The following HHAT variants were observed in gnomAD, a reference collection of about 807,000 sequenced individuals.
HHAT encodes hedgehog acyltransferase.
Under a neutral mutation model 70.8 loss-of-function variants are expected in HHAT, and 47 were observed. That is an observed-to-expected ratio of 0.66 (90% CI 0.53 to 0.85). The LOEUF (loss-of-function observed/expected upper bound fraction) is 0.85. Ranked by LOEUF, HHAT falls within the 40% of genes least tolerant of loss-of-function variation. The pLI is 0.00. For missense variants in HHAT, 609 were observed against 604.8 expected, an observed-to-expected ratio of 1.01 and a Z score of -0.07; for synonymous variants, 228 against 247.6, an observed-to-expected ratio of 0.92 and a Z score of 0.74.
chr1:210,385,674 T>G (rs1465835137), intron 3 of HHAT, among the ~76,000 whole-genome samples: 3 of 152,208 alleles, frequency 2.0e-5, no homozygotes, highest in African/African-American at 4.8e-5. Flanking sequence ...TGTATTTCCT[T>G]ATTTGAAGAA....
At chr1:210,401,199 C>T (rs2092053938) in intron 5 of HHAT, among the ~76,000 whole-genome samples, 1 of 152,196 alleles carries the variant, frequency 6.6e-6, no homozygotes, top group Non-Finnish European at 1.5e-5. Context: ...ACTGCAACCT[C>T]CGCCTCCTGG....
intron 5 of HHAT, among the ~76,000 whole-genome samples, chr1:210,401,669 AT>A (rs548191150): frequency 2.6e-5 from 4 of 151,866 alleles, no homozygotes; most frequent in African/African-American, 9.7e-5. Flanking sequence ...TTTTAGCTTT[AT>A]TTTTTTTCTC....
intron 9 of HHAT, among the ~76,000 whole-genome samples, chr1:210,535,780 T>G (rs2095365888): frequency 6.6e-6 from 1 of 152,114 alleles, no homozygotes; most frequent in African/African-American, 2.4e-5. Flanking sequence ...ACTCTGTGAA[T>G]AGCACATCAA....
chr1:210,368,929 T>A (rs1279011900), intron 3 of HHAT, among the ~76,000 whole-genome samples: 2 of 151,968 alleles, frequency 1.3e-5, no homozygotes, highest in African/African-American at 4.8e-5. Context: ...AATACAAAAA[T>A]TAGCTGGATG....
intron 11 of HHAT, among the ~76,000 whole-genome samples, chr1:210,649,759 T>A (rs1368282917): frequency 6.6e-6 from 1 of 152,188 alleles, no homozygotes; most frequent in African/African-American, 2.4e-5. Context: ...CAGGTCAGCA[T>A]GACAGAAATC....
Position 210,479,705 on chromosome 1 carries a change from C to A in HHAT, c.1007+15050C>A, listed in dbSNP as rs893959811. ...ATGTAAATATTGTGGTCAGTGGATACCTTGAAAACTAAATGAAATTACACT... is the reference window on the plus strand; with the variant it reads ...ATGTAAATATTGTGGTCAGTGGATAACTTGAAAACTAAATGAAATTACACT... On this transcript the variant is annotated intron_variant, in intron 8 of 11. Coordinates refer to ENST00000261458, the MANE Select transcript of HHAT (RefSeq NM_018194.6). 2.0e-5 allele frequency among the ~76,000 whole-genome samples: 3 copies of A among 152,074 alleles called. No homozygotes were observed. The East Asian group carries it at 5.8e-4, about 29-fold the overall frequency.
chr1:210,443,298 T>C (rs1162585043), intron 7 of HHAT, among the ~76,000 whole-genome samples: 2 of 151,896 alleles, frequency 1.3e-5, no homozygotes, highest in Non-Finnish European at 2.9e-5. Context: ...AGCTTTGTTC[T>C]TTTGGCTTAG....
At chr1:210,532,588 GCAACTGAGCAA>G (rs752457902) in intron 9 of HHAT, among the ~76,000 whole-genome samples, 16 of 152,132 alleles carry the variant, frequency 1.1e-4, no homozygotes, top group Non-Finnish European at 2.1e-4. Flanking sequence ...ATTCCTATAA[GCAACTGAGCAA>G]TCCAAGAACC....
chr1:210,424,025 C>A (rs751565881), intron 7 of HHAT, among the ~76,000 whole-genome samples: 3 of 152,146 alleles, frequency 2.0e-5, no homozygotes, highest in Non-Finnish European at 4.4e-5. Context: ...TGGTCAGGAT[C>A]TTTTGTGGTT....
At chr1:210,665,808 A>C (rs1304886381) in intron 11 of HHAT, among the ~76,000 whole-genome samples, 1 of 152,214 alleles carries the variant, frequency 6.6e-6, no homozygotes, top group African/African-American at 2.4e-5. Context: ...GATTGAAATC[A>C]AAACCAAAGT....
intron 3 of HHAT, among the ~76,000 whole-genome samples, chr1:210,383,838 ACACATACTCGAGTGTT>A (rs2148126507): frequency 6.6e-6 from 1 of 152,308 alleles, no homozygotes; most frequent in African/African-American, 2.4e-5. Flanking sequence ...TAATTAGAAA[ACACATACTCGAGTGTT>A]CATCAGTGAC....
intron 9 of HHAT, among the ~76,000 whole-genome samples, chr1:210,548,661 A>G (rs2095503896): frequency 6.6e-6 from 1 of 152,184 alleles, no homozygotes; most frequent in African/African-American, 2.4e-5. Flanking sequence ...TCATAATTTG[A>G]TTAGAACTTG....
chr1:210,601,970 A>AATGT (rs1553294015), intron 10 of HHAT, among the ~76,000 whole-genome samples: 1 of 149,366 alleles, frequency 6.7e-6, no homozygotes, highest in African/African-American at 2.5e-5. Flanking sequence ...TGTGTGTGAG[A>AATGT]GTGTGTGTGT....
At chr1:210,662,348 C>T (rs562812834) in intron 11 of HHAT, among the ~76,000 whole-genome samples, 2 of 138,018 alleles carry the variant, frequency 1.4e-5, no homozygotes, top group South Asian at 2.2e-4. Context: ...TGTGGGTGAG[C>T]GGTTGTCAGG....
intron 8 of HHAT, among the ~76,000 whole-genome samples, chr1:210,487,273 G>A (rs187141605): frequency 2.8e-4 from 42 of 152,106 alleles, no homozygotes; most frequent in Admixed American, 1.2e-3. Flanking sequence ...GTTTAAGGGA[G>A]GCCATTCTCA....
intron 8 of HHAT, among the ~76,000 whole-genome samples, chr1:210,466,996 A>G (rs975346626): frequency 6.6e-6 from 1 of 152,216 alleles, no homozygotes; most frequent in Non-Finnish European, 1.5e-5. Flanking sequence ...ACCCCTTGGA[A>G]TGATGTCGTT....
intron 9 of HHAT, among the ~76,000 whole-genome samples, chr1:210,572,738 A>G (rs77571492): frequency 6.6e-6 from 1 of 151,294 alleles, no homozygotes; most frequent in African/African-American, 2.4e-5. Flanking sequence ...TAAAATATAT[A>G]AAAAAAAATG....
At chr1:210,337,674 GA>G (rs2085627127) in intron 1 of HHAT, among the ~76,000 whole-genome samples, 1 of 151,928 alleles carries the variant, frequency 6.6e-6, no homozygotes, top group South Asian at 2.1e-4. Context: ...CTCCTGTAAG[GA>G]ACCTTGTGAT....
intron 3 of HHAT, chr1:210,374,183 A>T (rs780965393): frequency 6.6e-6 from 1 of 152,210 alleles, no homozygotes; most frequent in Non-Finnish European, 1.5e-5. Context: ...CTTACAAAAA[A>T]TTAGCTTATA....
Sources: gnomAD v4.1 joint callset for allele counts (sites outside exome capture counted in the v4.1 genomes callset) on GRCh38, gnomAD v4.1.1 for gene constraint, MANE v1.5 for transcripts, NCBI Gene and HGNC (gene_info 2026-07-23, HGNC 2026-07-21) for gene names.